The following DNAH3 variants were observed in gnomAD, a reference collection of about 807,000 sequenced individuals.
DNAH3 encodes the protein axonemal beta dynein heavy chain 3.
DNAH3 carries 332 observed loss-of-function variants against 432.5 expected under a neutral mutation model. That is an observed-to-expected ratio of 0.77 (90% CI 0.70 to 0.84). DNAH3 has a LOEUF of 0.84. DNAH3 is among the 40% of genes least tolerant of loss of function. The probability of loss-of-function intolerance (pLI) is 0.00; values close to 1 mark genes in which losing one functional copy is unlikely to be tolerated. For missense variants in DNAH3, 4,861 were observed against 5,114.0 expected (o/e 0.95, Z 1.51); for synonymous variants, 1,956 against 1,900.2 (o/e 1.03, Z -0.76).
chr16:20,987,206 T>C (rs988476852), intron 47 of DNAH3, 99 bp downstream of exon 47: 1 of 1,420,472 alleles, frequency 7.0e-7, no homozygotes, highest in African/African-American at 1.4e-5. Context: ...AGTGCAGAGC[T>C]GGCAGTCTCC....
intron 31 of DNAH3, among the ~76,000 whole-genome samples, chr16:21,049,130 G>T (rs1011976222): frequency 1.3e-5 from 2 of 151,576 alleles, no homozygotes; most frequent in Non-Finnish European, 2.9e-5. Flanking sequence ...AATAGCTGAG[G>T]CTATTTTATT....
At chr16:21,126,441 T>A (rs1567836858) in intron 8 of DNAH3, among the ~76,000 whole-genome samples, 2 of 152,196 alleles carry the variant, frequency 1.3e-5, no homozygotes, top group African/African-American at 4.8e-5. Context: ...CTGCAGGTAT[T>A]ATTATCACTG....
At chr16:20,955,605 G>T (rs1038625558) in intron 54 of DNAH3, among the ~76,000 whole-genome samples, 5 of 151,990 alleles carry the variant, frequency 3.3e-5, no homozygotes, top group Non-Finnish European at 7.4e-5. Flanking sequence ...TGGCCCTAAG[G>T]CTGCTTTCTC....
chr16:21,075,347 C>T (rs2090935707), intron 21 of DNAH3, 100 bp downstream of exon 21: 1 of 855,096 alleles, frequency 1.2e-6, no homozygotes, highest in South Asian at 1.4e-5. Context: ...GATTATTTCT[C>T]TGTGAGTTCT....
intron 1 of DNAH3, among the ~76,000 whole-genome samples, chr16:21,146,843 C>T (rs1319338079): frequency 1.3e-5 from 2 of 151,582 alleles, no homozygotes; most frequent in African/African-American, 4.9e-5. Context: ...TCAATGCAAC[C>T]TCTGCCTCCG....
At chr16:21,090,066 C>G (rs1469776436) in intron 18 of DNAH3, among the ~76,000 whole-genome samples, 1 of 150,780 alleles carries the variant, frequency 6.6e-6, no homozygotes, top group Non-Finnish European at 1.5e-5. Flanking sequence ...ATAAATTAGA[C>G]CATTTTTTTT....
rs767118160 is a variant in DNAH3 at position 20,933,219 on chromosome 16, T to C, written c.12286A>G (p.Thr4096Ala). The change falls in exon 62 of 62, where the codon ACA (threonine) becomes GCA (alanine). Residue 4096 changes from threonine (T) to alanine (A), a missense_variant. Coordinates refer to ENST00000261383, the Ensembl canonical transcript of DNAH3. ...ATCCAGTGCTTCTGGGGCATGTCTG[T>C]TGGAAGCTCAATGGAGAGGACATAG... 12 of 1,614,124 alleles carry C rather than the reference T, an allele frequency of 7.4e-6. No individual in the cohort carries two copies. The African/African-American group carries it at 9.3e-5, about 13-fold the overall frequency.
intron 18 of DNAH3, 58 bp downstream of exon 18, chr16:21,097,297 C>G: frequency 3.8e-6 from 6 of 1,581,244 alleles, no homozygotes; most frequent in Non-Finnish European, 5.2e-6. Flanking sequence ...TCAGAAGTGA[C>G]TGGGTGGATC....
At chr16:21,141,274 C>T (rs375213363) in intron 4 of DNAH3, 26 bp downstream of exon 5, 27 of 1,551,596 alleles carry the variant, frequency 1.7e-5, no homozygotes, top group Middle Eastern at 1.7e-4. Context: ...GTCCTGCCTT[C>T]TCTGGTGCCC....
chr16:21,047,846 G>A (rs1465394617), intron 31 of DNAH3, among the ~76,000 whole-genome samples: 5 of 150,390 alleles, frequency 3.3e-5, no homozygotes, highest in Non-Finnish European at 1.5e-5. Context: ...ATGTACAGAT[G>A]GGTTTTTGGT....
At chr16:21,009,762 C>T (rs2087488390) in intron 41 of DNAH3, among the ~76,000 whole-genome samples, 1 of 152,034 alleles carries the variant, frequency 6.6e-6, no homozygotes, top group Non-Finnish European at 1.5e-5. Flanking sequence ...CCTGGAGTCC[C>T]AGCTACTTGG....
At chr16:21,032,247 G>A (rs936950779) in intron 36 of DNAH3, among the ~76,000 whole-genome samples, 2 of 152,102 alleles carry the variant, frequency 1.3e-5, no homozygotes, top group African/African-American at 2.4e-5. Flanking sequence ...ATGAGGAAAC[G>A]GGAAACAGCT....
rs1233862238 is a variant in DNAH3 at position 21,055,596 on chromosome 16, AAAAAT to A, written c.3925-1067_3925-1063del. Among the ~76,000 whole-genome samples, 5 of 152,304 alleles carry A rather than the reference AAAAAT, an allele frequency of 3.3e-5. No homozygotes were observed. In the East Asian group the frequency reaches 9.6e-4, roughly 29 times the overall value. ...CATGTTATTTCAAATTAAAGAGGCAAAAAATAAAATAAAAAGAAAACTTAAAAAGG... is the reference window on the plus strand; with the variant it reads ...CATGTTATTTCAAATTAAAGAGGCAAAAAATAAAAAGAAAACTTAAAAAGG... On this transcript the variant is annotated intron_variant, in intron 27 of 61. Coordinates refer to ENST00000261383, the Ensembl canonical transcript of DNAH3.
chr16:21,152,070 A>G (rs991334840), intron 1 of DNAH3, among the ~76,000 whole-genome samples: 1 of 152,050 alleles, frequency 6.6e-6, no homozygotes, highest in Non-Finnish European at 1.5e-5. Flanking sequence ...CCCCATCTCT[A>G]CTAAAAATAC....
intron 58 of DNAH3, among the ~76,000 whole-genome samples, chr16:20,944,237 A>C (rs1596884464): frequency 1.3e-5 from 2 of 152,286 alleles, no homozygotes; most frequent in Admixed American, 1.3e-4. Flanking sequence ...ATGTAAATGG[A>C]GTATAGGTGA....
intron 31 of DNAH3, among the ~76,000 whole-genome samples, chr16:21,048,990 A>C (rs1375088697): frequency 6.6e-6 from 1 of 150,700 alleles, no homozygotes; most frequent in Non-Finnish European, 1.5e-5. Context: ...CACCGCGCTC[A>C]GCCAAGACTT....
At chr16:21,002,896 T>G (rs1208914531) in intron 42 of DNAH3, among the ~76,000 whole-genome samples, 1 of 152,202 alleles carries the variant, frequency 6.6e-6, no homozygotes, top group Non-Finnish European at 1.5e-5. Context: ...CGCCATTTTT[T>G]GGTTGAGTAA....
rs376969392 is a variant in DNAH3, at chr16:20,936,813, G to A, written c.11695C>T (p.Arg3899Ter). Residue 3899 changes from arginine to a stop codon, truncating the protein, a stop_gained, in exon 60 of 62, where the codon CGA (arginine) becomes TGA (stop). Transcript: ENST00000261383. LOFTEE classifies it high-confidence loss of function. The stretch of plus-strand genomic sequence containing the variant: ...ATCAGGACCTGTCCTTTGATGGCTC[G>A]GCCAAGATTGATGAGGCTCCTCCGA... The A allele has an allele frequency of 2.0e-5, 33 of 1,613,186 alleles. No homozygotes were observed. Among genetic ancestry groups the A allele is most frequent in the Non-Finnish European group, 2.5e-5 (30 of 1,179,828 alleles).
exon 48 of DNAH3, chr16:20,985,245 T>C (rs750605350): frequency 1.2e-5 from 20 of 1,614,054 alleles, no homozygotes. Context: ...CCACGAATGA[T>C]TCATCCTTGA....
Sources: gnomAD v4.1 joint callset for allele counts (sites outside exome capture counted in the v4.1 genomes callset) on GRCh38, gnomAD v4.1.1 for gene constraint, MANE v1.5 for transcripts, NCBI Gene and HGNC (gene_info 2026-07-23, HGNC 2026-07-21) for gene names.